CFAP69: variants seen among roughly 807,000 people sequenced by gnomAD.
CFAP69 encodes cilia- and flagella-associated protein 69.
Under a neutral mutation model 123.0 loss-of-function variants are expected in CFAP69, and 92 were observed. The ratio of observed to expected loss-of-function variants is 0.75; its 90% CI spans 0.63 to 0.89. CFAP69 has a LOEUF of 0.89. CFAP69 is among the 40% of genes least tolerant of loss of function. The pLI is 0.00. For synonymous variants in CFAP69, 380 were observed against 364.3 expected, an observed-to-expected ratio of 1.04 and a Z score of -0.49; for missense variants, 1,067 against 1,096.9, an observed-to-expected ratio of 0.97 and a Z score of 0.39.
intron 2 of CFAP69, 104 bp downstream of exon 2, chr7:90,255,586 T>G (rs1584317908): frequency 2.3e-6 from 2 of 879,792 alleles, no homozygotes; most frequent in East Asian, 4.9e-5. Context: ...TTATCTCGTT[T>G]TGTTGAAAAC....
intron 3 of CFAP69, among the ~76,000 whole-genome samples, chr7:90,260,449 C>T (rs562247001): frequency 4.3e-4 from 65 of 152,062 alleles, no homozygotes; most frequent in Middle Eastern, 3.4e-3. Context: ...TCGTTTGAGC[C>T]CAGAAATTCG....
chr7:90,270,503 A>G (rs1799794694), intron 6 of CFAP69, among the ~76,000 whole-genome samples: 1 of 152,082 alleles, frequency 6.6e-6, no homozygotes, highest in Non-Finnish European at 1.5e-5. Flanking sequence ...AATATAGGCA[A>G]TTTTTACCTT....
intron 1 of CFAP69, among the ~76,000 whole-genome samples, chr7:90,254,562 C>T (rs1326772476): frequency 6.6e-6 from 1 of 152,030 alleles, no homozygotes; most frequent in Non-Finnish European, 1.5e-5. Context: ...CCTTTCAGAA[C>T]AATGTGATGG....
chr7:90,309,250 T>G lies in CFAP69; in HGVS notation c.2551-13T>G. 7.7e-7 allele frequency: 1 copy of G among 1,299,030 alleles called. No homozygotes were observed. Among genetic ancestry groups the G allele is most frequent in the Non-Finnish European group, 1.1e-6 (1 of 935,814 alleles). 80.5% of individuals were successfully genotyped at this position (1,299,030 alleles called of 1,614,324 possible). On this transcript the variant is annotated splice_polypyrimidine_tract_variant and intron_variant, in intron 21 of 22. Coordinates refer to ENST00000389297, the MANE Select transcript of CFAP69 (RefSeq NM_001039706.3). ...AGCAATTAATATTTTCTTTCTAATT[T>G]AAAAATCCTCAGAAAGCAAAAAGCC...
chr7:90,256,633 A>AT (rs968102853), intron 2 of CFAP69, among the ~76,000 whole-genome samples: 1 of 152,138 alleles, frequency 6.6e-6, no homozygotes, highest in Non-Finnish European at 1.5e-5. Context: ...CTGTTTTAAC[A>AT]TTTTTTATTC....
intron 4 of CFAP69, among the ~76,000 whole-genome samples, chr7:90,262,885 T>C (rs1216866289): frequency 6.6e-6 from 1 of 152,096 alleles, no homozygotes; most frequent in African/African-American, 2.4e-5. Flanking sequence ...ATGTAACCAC[T>C]TAAATTTGTA....
intron 1 of CFAP69, among the ~76,000 whole-genome samples, chr7:90,249,612 G>T (rs1053868041): frequency 6.6e-6 from 1 of 152,132 alleles, no homozygotes; most frequent in African/African-American, 2.4e-5. Context: ...ATCATATGTT[G>T]AAATCACAAG....
chr7:90,314,436 A>G (rs936030997), downstream of CFAP69, among the ~76,000 whole-genome samples: 3 of 152,116 alleles, frequency 2.0e-5, no homozygotes, highest in East Asian at 5.8e-4. Context: ...CAGCTTGGGC[A>G]ATGGAGTGCA....
chr7:90,255,434 G>A lies in CFAP69; in HGVS notation c.132G>A (p.Lys44=), dbSNP rs1217894274. The A allele has an allele frequency of 1.2e-6, 2 of 1,612,614 alleles. No individual in the cohort carries two copies. The highest frequency in any genetic ancestry group is 1.7e-6 in the Non-Finnish European group (2 of 1,179,230). Residue 44 remains lysine, a synonymous_variant, in exon 2 of 23, where the codon AAG becomes AAA. Transcript: ENST00000389297. Reference sequence around the variant, plus strand: ...TGTATGTTTTTTAGGATGTTTTCAAGCCTATGGACCTTAATCGTGTCATCA... The same window carrying A: ...TGTATGTTTTTTAGGATGTTTTCAAACCTATGGACCTTAATCGTGTCATCA... ...TEDDEAQDVF[K]PMDLNRVIKL...
Position 90,288,234 on chromosome 7 carries a change from G to T in CFAP69, c.1657G>T (p.Glu553Ter). The T allele has an allele frequency of 6.2e-7, 1 of 1,600,078 alleles. No homozygotes were observed. Among genetic ancestry groups the T allele is most frequent in the Non-Finnish European group, 8.5e-7 (1 of 1,170,330 alleles). Residue 553 changes from glutamate to a stop codon, truncating the protein, a stop_gained and splice_region_variant, in exon 15 of 23, where the codon GAA (glutamate) becomes TAA (stop). Transcript: ENST00000389297. LOFTEE classifies it high-confidence loss of function. ...AATTTAAAACAAATATCTTAAACAG[G>T]AAATTTTCGGAACTGAAGGAGTAGA... The part of the protein sequence containing the change: ...GLCENHIQRK[E>*]IFGTEGVDIV...
intron 1 of CFAP69, among the ~76,000 whole-genome samples, chr7:90,250,618 A>C (rs563571920): frequency 5.3e-5 from 8 of 152,346 alleles, no homozygotes; most frequent in Non-Finnish European, 1.2e-4. Flanking sequence ...TTGATCTTAA[A>C]AGGTTTTGTG....
At chr7:90,269,448 C>T (rs1799642527) in intron 6 of CFAP69, among the ~76,000 whole-genome samples, 1 of 152,016 alleles carries the variant, frequency 6.6e-6, no homozygotes, top group Non-Finnish European at 1.5e-5. Flanking sequence ...TGAAGGGAGG[C>T]TCAAAGAGGA....
intron 15 of CFAP69, 82 bp from the exon 16 acceptor site, chr7:90,297,667 A>G: frequency 1.2e-6 from 1 of 829,074 alleles, no homozygotes; most frequent in South Asian, 1.7e-5. Context: ...ATTCTTTGAA[A>G]ATGCTTTGAT....
At position 90,258,175 on chromosome 7, in the gene CFAP69, A is replaced by AAGTGCTAGATGATTTTAGG; in HGVS notation, c.246+12_246+13insAGTGCTAGATGATTTTAGG. 6.6e-7 allele frequency: 1 copy of AAGTGCTAGATGATTTTAGG among 1,514,604 alleles called. No homozygotes were observed. Among genetic ancestry groups the AAGTGCTAGATGATTTTAGG allele is most frequent in the Non-Finnish European group, 9.1e-7 (1 of 1,103,580 alleles). The allele number at this position is 1,514,604 out of a possible 1,614,324, so 93.8% of individuals were successfully genotyped here. ...ATCAGAATGGACTTGTATCCTTTAC[A>AAGTGCTAGATGATTTTAGG]TATATATGTATGTTCATTTCATTTA... On this transcript the variant is annotated intron_variant, in intron 3 of 22. Transcript: ENST00000389297.
chr7:90,292,448 AC>A (rs1450171735), intron 15 of CFAP69, among the ~76,000 whole-genome samples: 2 of 152,242 alleles, frequency 1.3e-5, no homozygotes, highest in African/African-American at 2.4e-5. Context: ...TCCTCAAAGC[AC>A]ACCATTCCAG....
At chr7:90,272,152 G>A (rs561848548) in intron 8 of CFAP69, 194 bp downstream of exon 8, 16 of 457,732 alleles carry the variant, frequency 3.5e-5, no homozygotes, top group African/African-American at 8.0e-5. Flanking sequence ...CTATGTGGAA[G>A]GCTCTTGAAG....
At chr7:90,303,025 T>C (rs1737784545) in intron 17 of CFAP69, 1 of 152,138 alleles carries the variant, frequency 6.6e-6, no homozygotes, top group African/African-American at 2.4e-5. Flanking sequence ...ATCATAGAGG[T>C]CTTTTGGCTC....
chr7:90,312,107 G>A (rs1049095395), downstream of CFAP69, among the ~76,000 whole-genome samples: 2 of 152,270 alleles, frequency 1.3e-5, no homozygotes, highest in East Asian at 1.9e-4. Context: ...ATTGTACTTA[G>A]TATCTCCGGA....
chr7:90,270,206 G>A (rs1262387688), intron 6 of CFAP69: 1 of 152,128 alleles, frequency 6.6e-6, no homozygotes, highest in East Asian at 1.9e-4. Flanking sequence ...TTAAGTCCAT[G>A]AGCTTTAATG....
Sources: gnomAD v4.1 joint callset for allele counts (sites outside exome capture counted in the v4.1 genomes callset) on GRCh38, gnomAD v4.1.1 for gene constraint, MANE v1.5 for transcripts, NCBI Gene and HGNC (gene_info 2026-07-23, HGNC 2026-07-21) for gene names.